The following GLIPR1L2 variants were observed in gnomAD, a reference collection of about 807,000 sequenced individuals.
GLIPR1L2 encodes the protein GLIPR1-like protein 2.
In GLIPR1L2, 21 loss-of-function variants were observed where a neutral mutation model predicts 28.4. The observed-to-expected ratio is 0.74, with a 90% confidence interval of 0.52 to 1.06. The LOEUF is 1.06. Among genes scored for constraint, GLIPR1L2 ranks in the 50% least tolerant of loss-of-function variants. The probability of loss-of-function intolerance (pLI) is 0.00; values close to 1 mark genes in which losing one functional copy is unlikely to be tolerated. For missense variants in GLIPR1L2, 476 were observed against 416.9 expected, an observed-to-expected ratio of 1.14 and a Z score of -1.23; for synonymous variants, 145 against 139.3, an observed-to-expected ratio of 1.04 and a Z score of -0.29.
intron 1 of GLIPR1L2, among the ~76,000 whole-genome samples, chr12:75,406,038 A>C (rs1420718916): frequency 1.3e-5 from 2 of 151,924 alleles, no homozygotes; most frequent in African/African-American, 4.8e-5. Flanking sequence ...CTTAGAATAA[A>C]AAGATTGTGT....
chr12:75,416,645 G>C (rs2045926246), intron 3 of GLIPR1L2, among the ~76,000 whole-genome samples: 1 of 152,116 alleles, frequency 6.6e-6, no homozygotes, highest in Non-Finnish European at 1.5e-5. Context: ...AGTTCCATTA[G>C]ATGAGATGAA....
intron 1 of GLIPR1L2, among the ~76,000 whole-genome samples, chr12:75,398,309 A>G (rs1593999125): frequency 7.4e-6 from 1 of 135,054 alleles, no homozygotes; most frequent in East Asian, 2.3e-4. Context: ...AGCCTGGGCG[A>G]TAGAATGAGA....
intron 1 of GLIPR1L2, among the ~76,000 whole-genome samples, chr12:75,405,038 A>C (rs75889733): frequency 1.6e-4 from 25 of 152,330 alleles, no homozygotes; most frequent in Non-Finnish European, 3.1e-4. Context: ...AAAATTTGCT[A>C]GTCTACTATA....
intron 1 of GLIPR1L2, among the ~76,000 whole-genome samples, chr12:75,397,430 G>A (rs2045692686): frequency 1.3e-5 from 2 of 151,760 alleles, no homozygotes; most frequent in South Asian, 4.2e-4. Flanking sequence ...TAGCTACTGA[G>A]CCTCTGTCAT....
At chr12:75,423,713 C>T (rs974884982) in intron 4 of GLIPR1L2, 2 of 155,062 alleles carry the variant, frequency 1.3e-5, no homozygotes, top group African/African-American at 2.4e-5. Context: ...AGCTATTCCT[C>T]CCCTAGCCCT....
chr12:75,400,494 G>A (rs1347812655), intron 1 of GLIPR1L2, among the ~76,000 whole-genome samples: 2 of 152,108 alleles, frequency 1.3e-5, no homozygotes, highest in Non-Finnish European at 2.9e-5. Context: ...GATACGTTTT[G>A]TATACGAAAA....
chr12:75,409,727 CCGA>C (rs2045843875), intron 1 of GLIPR1L2, among the ~76,000 whole-genome samples: 7 of 99,846 alleles, frequency 7.0e-5, no homozygotes, highest in Admixed American at 3.2e-4. Flanking sequence ...TATATCTAAT[CCGA>C]TATATATAAG....
In GLIPR1L2 at chr12:75,431,300, T is replaced by C. The variant is rs1411265203; in HGVS notation, c.*139T>C. The stretch of plus-strand genomic sequence containing the variant: ...TGCAAACCACCATTGGAATGTTTTT[T>C]ATTCCCTTCTCTCCTATACTTATTC... On this transcript the variant is annotated 3_prime_UTR_variant, in exon 6 of 6. Coordinates refer to ENST00000550916, the MANE Select transcript of GLIPR1L2 (RefSeq NM_001270396.2). 1 of 581,542 alleles carries C rather than the reference T, an allele frequency of 1.7e-6. No individual in the cohort carries two copies. Among genetic ancestry groups the C allele is most frequent in the African/African-American group, 1.9e-5 (1 of 53,676 alleles). The allele number at this position is 581,542 out of a possible 1,614,324, so 36.0% of individuals were successfully genotyped here.
intron 1 of GLIPR1L2, among the ~76,000 whole-genome samples, chr12:75,406,172 C>T (rs1392762364): frequency 6.6e-6 from 1 of 151,774 alleles, no homozygotes; most frequent in Non-Finnish European, 1.5e-5. Flanking sequence ...ATGTTACCCC[C>T]ATAGTTACTT....
intron 1 of GLIPR1L2, among the ~76,000 whole-genome samples, chr12:75,408,097 CAA>C (rs927912963): frequency 3.9e-5 from 6 of 151,958 alleles, no homozygotes; most frequent in African/African-American, 7.2e-5. Context: ...TCTAGCTAAA[CAA>C]AGAGTAATGG....
At chr12:75,404,214 G>A (rs1018902037) in intron 1 of GLIPR1L2, among the ~76,000 whole-genome samples, 2 of 152,060 alleles carry the variant, frequency 1.3e-5, no homozygotes, top group Non-Finnish European at 2.9e-5. Context: ...CTCTCTGTGT[G>A]TGTATACATA....
At chr12:75,393,528 T>C (rs887020913) in intron 1 of GLIPR1L2, among the ~76,000 whole-genome samples, 2 of 152,126 alleles carry the variant, frequency 1.3e-5, no homozygotes, top group African/African-American at 4.8e-5. Flanking sequence ...TTTCATTTGG[T>C]ATAATGTCTA....
At position 75,431,249 on chromosome 12, in the gene GLIPR1L2, A is replaced by G; in HGVS notation, c.*88A>G. The G allele has an allele frequency of 1.7e-6, 1 of 593,104 alleles. No homozygotes were observed. Among genetic ancestry groups the G allele is most frequent in the Non-Finnish European group, 3.0e-6 (1 of 336,642 alleles). 36.7% of individuals were successfully genotyped at this position (593,104 alleles called of 1,614,324 possible). On this transcript the variant is annotated 3_prime_UTR_variant, in exon 6 of 6. Coordinates refer to ENST00000550916, the MANE Select transcript of GLIPR1L2 (RefSeq NM_001270396.2). ...GACAGAAAAAAAAAAAAAGTAAAACACTGAGTTTTAACAAGAAAGAAAATA... is the reference window on the plus strand; with the variant it reads ...GACAGAAAAAAAAAAAAAGTAAAACGCTGAGTTTTAACAAGAAAGAAAATA...
At chr12:75,428,901 G>T (rs190489950) in intron 4 of GLIPR1L2, among the ~76,000 whole-genome samples, 30 of 152,374 alleles carry the variant, frequency 2.0e-4, no homozygotes, top group Admixed American at 4.6e-4. Flanking sequence ...GATGACAAGA[G>T]TTGAGCTTTG....
chr12:75,399,851 G>T (rs1594001054), intron 1 of GLIPR1L2, among the ~76,000 whole-genome samples: 2 of 152,172 alleles, frequency 1.3e-5, no homozygotes, highest in African/African-American at 4.8e-5. Context: ...TTGTAGAGAA[G>T]AATCTGGCAA....
Position 75,431,135 on chromosome 12 carries a change from G to A in GLIPR1L2, c.1009G>A (p.Glu337Lys). Residue 337 changes from glutamate to lysine, a missense_variant, in exon 6 of 6, where the codon GAA (glutamate) becomes AAA (lysine). Coordinates refer to ENST00000550916, the MANE Select transcript of GLIPR1L2 (RefSeq NM_001270396.2). Reference protein sequence around the residue: ...REEEEEETQKEKMEEEEK With the variant: ...REEEEEETQKKKMEEEEK ...GGAGGAGGAGGAGGAAACACAAAAAGAAAAGATGGAGGAAGAGGAAAAATA... is the reference window on the plus strand; with the variant it reads ...GGAGGAGGAGGAGGAAACACAAAAAAAAAAGATGGAGGAAGAGGAAAAATA... The A allele has an allele frequency of 1.2e-6, 1 of 830,278 alleles. No homozygotes were observed. Among genetic ancestry groups the A allele is most frequent in the South Asian group, 1.6e-5 (1 of 62,824 alleles). 51.4% of individuals were successfully genotyped at this position (830,278 alleles called of 1,614,324 possible). A position where few individuals can be genotyped will look rare whatever the true frequency, so the allele number is the denominator to read the frequency against.
chr12:75,406,589 T>C (rs1035891016), intron 1 of GLIPR1L2, among the ~76,000 whole-genome samples: 4 of 151,680 alleles, frequency 2.6e-5, no homozygotes, highest in Non-Finnish European at 5.9e-5. Flanking sequence ...ACACCCTGTC[T>C]CTACCAAAAA....
At chr12:75,404,876 G>T (rs34522427) in intron 1 of GLIPR1L2, among the ~76,000 whole-genome samples, 25,679 of 152,018 alleles carry the variant, frequency 0.17, 2,368 homozygotes, top group Admixed American at 0.24. Flanking sequence ...AGTTATGTTA[G>T]ATTAAATTAA....
chr12:75,406,685 G>A (rs1303759025), intron 1 of GLIPR1L2, among the ~76,000 whole-genome samples: 35 of 149,922 alleles, frequency 2.3e-4, no homozygotes, highest in Non-Finnish European at 1.6e-4. Flanking sequence ...TTGAGCCCGG[G>A]AGTTTGAGGC....
Sources: allele counts gnomAD v4.1 joint callset (sites outside exome capture counted in the v4.1 genomes callset), GRCh38; gene constraint gnomAD v4.1.1; transcripts MANE v1.5; gene names NCBI Gene and HGNC (gene_info 2026-07-23, HGNC 2026-07-21).